The following CFAP43 variants were observed in gnomAD, a reference collection of about 807,000 sequenced individuals.
CFAP43 encodes cilia and flagella associated protein 43.
A neutral mutation model predicts 218.9 loss-of-function variants in CFAP43; 155 were observed. That is an observed-to-expected ratio of 0.71 (90% CI 0.62 to 0.81). The LOEUF is 0.81. CFAP43 is among the 30% of genes least tolerant of loss of function. CFAP43 has a pLI of 0.00. For missense variants in CFAP43, 1,778 were observed against 1,954.3 expected (o/e 0.91, Z 1.70); for synonymous variants, 645 against 681.3 (o/e 0.95, Z 0.83).
In CFAP43 at chr10:104,179,181, G is replaced by T; in HGVS notation, c.2383-75C>A. The T allele has an allele frequency of 4.6e-6, 5 of 1,081,026 alleles. No individual in the cohort carries two copies. In the South Asian group the frequency reaches 5.0e-5, roughly 11 times the overall value. 67.0% of individuals were successfully genotyped at this position (1,081,026 alleles called of 1,614,324 possible). ...AGAGAGAGAGAGAGAGAGAGAGAGA[G>T]CAATTCTCTAGAAACAGAAACTAAA... On this transcript the variant is annotated intron_variant, in intron 18 of 37. Transcript: ENST00000357060.
In CFAP43 at chr10:104,197,904, C is replaced by T. The variant is rs1589758825; in HGVS notation, c.1212+18G>A. On this transcript the variant is annotated intron_variant, in intron 9 of 37. Transcript: ENST00000357060. ...TCGTATCTTTAGTCCTACTGTGACACAGTAAAATATTCTTTACCATGAAGT... is the reference window on the plus strand; with the variant it reads ...TCGTATCTTTAGTCCTACTGTGACATAGTAAAATATTCTTTACCATGAAGT... 1 of 1,484,838 alleles carries T rather than the reference C, an allele frequency of 6.7e-7. No homozygotes were observed. The highest frequency in any genetic ancestry group is 9.4e-7 in the Non-Finnish European group (1 of 1,066,096). 92.0% of individuals were successfully genotyped at this position (1,484,838 alleles called of 1,614,324 possible).
chr10:104,145,841 A>G (rs991533165), intron 30 of CFAP43, among the ~76,000 whole-genome samples: 2 of 152,236 alleles, frequency 1.3e-5, no homozygotes, highest in Non-Finnish European at 2.9e-5. Context: ...AAATATATTT[A>G]CCCAAAAAAC....
chr10:104,174,663 C>T (rs2089543756), intron 19 of CFAP43, among the ~76,000 whole-genome samples: 1 of 152,086 alleles, frequency 6.6e-6, no homozygotes, highest in African/African-American at 2.4e-5. Flanking sequence ...AAGTCACTTT[C>T]AGAGAAACTA....
At chr10:104,189,512 T>C (rs11191943) in intron 12 of CFAP43, among the ~76,000 whole-genome samples, 19,238 of 152,252 alleles carry the variant, frequency 0.13, 1,511 homozygotes, top group Non-Finnish European at 0.17. Context: ...CCCACACTTC[T>C]GTGTCAGCCT....
intron 34 of CFAP43, 132 bp downstream of exon 34, chr10:104,140,710 G>A (rs1456892107): frequency 3.2e-6 from 2 of 631,488 alleles, no homozygotes; most frequent in Non-Finnish European, 5.2e-6. Context: ...CTACTTGGGA[G>A]GTGAAGGTGG....
At chr10:104,136,766 A>T in intron 34 of CFAP43, among the ~76,000 whole-genome samples, 1 of 152,036 alleles carries the variant, frequency 6.6e-6, no homozygotes, top group East Asian at 1.9e-4. Flanking sequence ...CATATAAAAA[A>T]CTCCTATAAC....
intron 35 of CFAP43, chr10:104,132,554 G>A (rs1356925172): frequency 1.4e-6 from 1 of 732,552 alleles, no homozygotes; most frequent in Non-Finnish European, 1.7e-6. Context: ...GGTGGAGGTT[G>A]TAGTGAGCGG....
At chr10:104,158,848 A>G (rs1272385343) in intron 27 of CFAP43, among the ~76,000 whole-genome samples, 1 of 152,130 alleles carries the variant, frequency 6.6e-6, no homozygotes, top group Non-Finnish European at 1.5e-5. Flanking sequence ...TTCAGGAGAA[A>G]AAGAGAACAA....
intron 31 of CFAP43, among the ~76,000 whole-genome samples, chr10:104,145,248 C>G (rs1022130789): frequency 1.2e-4 from 18 of 152,174 alleles, no homozygotes; most frequent in African/African-American, 3.6e-4. Flanking sequence ...TTACACAGAT[C>G]CTTAACTATT....
At chr10:104,194,701 A>G (rs2090336292) in intron 10 of CFAP43, among the ~76,000 whole-genome samples, 1 of 152,248 alleles carries the variant, frequency 6.6e-6, no homozygotes, top group African/African-American at 2.4e-5. Flanking sequence ...GAATAAATTG[A>G]CTTTCATAAT....
At chr10:104,206,445 C>T (rs1200300010) in intron 6 of CFAP43, among the ~76,000 whole-genome samples, 1 of 152,208 alleles carries the variant, frequency 6.6e-6, no homozygotes, top group Non-Finnish European at 1.5e-5. Flanking sequence ...AAATAAATGA[C>T]TGGCTCAGAA....
intron 3 of CFAP43, among the ~76,000 whole-genome samples, chr10:104,215,920 T>C (rs1053031988): frequency 6.6e-6 from 1 of 152,152 alleles, no homozygotes; most frequent in African/African-American, 2.4e-5. Flanking sequence ...CCACCACCTG[T>C]GCTCTGGGTC....
chr10:104,191,408 C>T (rs1405338902), intron 12 of CFAP43, among the ~76,000 whole-genome samples: 1 of 152,142 alleles, frequency 6.6e-6, no homozygotes, highest in African/African-American at 2.4e-5. Context: ...TATGTCCTAT[C>T]CCACACCTAT....
At position 104,172,512 on chromosome 10, in the gene CFAP43, AT is replaced by A; in HGVS notation, c.2483del (p.Asn828MetfsTer4). On this transcript the variant is annotated frameshift_variant, in exon 20 of 38. Transcript: ENST00000357060. LOFTEE classifies it high-confidence loss of function. ...ATTTTGCAATATTTTCTAGTTTGTC[AT>A]TTTCTTCCATCATATTCAGAATCTG... ...SKTILNMMEE[N>X]DKLENIAKLD... 6.2e-7 allele frequency: 1 copy of A among 1,604,696 alleles called. No homozygotes were observed. Among genetic ancestry groups the A allele is most frequent in the East Asian group, 2.3e-5 (1 of 44,422 alleles).
At chr10:104,219,346 C>T (rs1034749286) in intron 3 of CFAP43, among the ~76,000 whole-genome samples, 1 of 152,174 alleles carries the variant, frequency 6.6e-6, no homozygotes, top group African/African-American at 2.4e-5. Context: ...TAGTCCATGA[C>T]ACAGTCATCT....
intron 2 of CFAP43, among the ~76,000 whole-genome samples, chr10:104,226,875 G>A (rs1397835253): frequency 6.6e-6 from 1 of 151,994 alleles, no homozygotes; most frequent in African/African-American, 2.4e-5. Flanking sequence ...AAAATTAGCC[G>A]GGTGTGGTGG....
At chr10:104,178,903 C>T (rs1375842600) in intron 19 of CFAP43, 126 bp downstream of exon 19, 3 of 612,188 alleles carry the variant, frequency 4.9e-6, no homozygotes, top group South Asian at 3.2e-5. Flanking sequence ...TAAAGAACCT[C>T]AGAAAACTGA....
At chr10:104,191,368 T>A (rs1318620173) in intron 12 of CFAP43, among the ~76,000 whole-genome samples, 1 of 152,188 alleles carries the variant, frequency 6.6e-6, no homozygotes, top group East Asian at 1.9e-4. Context: ...GTACCTTTGT[T>A]TGGGTTATTA....
At chr10:104,178,649 A>G (rs151277396) in intron 19 of CFAP43, among the ~76,000 whole-genome samples, 1 of 152,324 alleles carries the variant, frequency 6.6e-6, no homozygotes, top group Non-Finnish European at 1.5e-5. Context: ...CCCAAATGAA[A>G]AAGTAGAAAG....
Sources: gnomAD v4.1 joint callset for allele counts (sites outside exome capture counted in the v4.1 genomes callset) on GRCh38, gnomAD v4.1.1 for gene constraint, MANE v1.5 for transcripts, NCBI Gene and HGNC (gene_info 2026-07-23, HGNC 2026-07-21) for gene names.